EPHA5: variants seen among roughly 807,000 people sequenced by gnomAD.
The protein encoded by EPHA5 is EPH receptor A5.
A neutral mutation model predicts 105.0 loss-of-function variants in EPHA5; 60 were observed. The observed-to-expected ratio is 0.57, with a 90% CI of 0.46 to 0.71. The LOEUF (loss-of-function observed/expected upper bound fraction) is 0.71. Ranked by LOEUF, EPHA5 falls within the 30% of genes least tolerant of loss-of-function variation. The pLI is 0.00. For missense variants in EPHA5, 1,218 were observed against 1,274.7 expected (o/e 0.96, Z 0.68); for synonymous variants, 513 against 449.1 (o/e 1.14, Z -1.80).
At chr4:65,406,362 C>T (rs1391012291) in intron 7 of EPHA5, among the ~76,000 whole-genome samples, 3 of 152,226 alleles carry the variant, frequency 2.0e-5, no homozygotes, top group African/African-American at 7.2e-5. Context: ...TTAACTTACC[C>T]TCCACCATTG....
chr4:65,606,987 C>T (rs1243059769), intron 2 of EPHA5, among the ~76,000 whole-genome samples: 1 of 152,096 alleles, frequency 6.6e-6, no homozygotes, highest in African/African-American at 2.4e-5. Context: ...CACTTTGAGT[C>T]ACATATTTTA....
At chr4:65,376,340 A>G (rs1411484699) in intron 8 of EPHA5, among the ~76,000 whole-genome samples, 2 of 152,056 alleles carry the variant, frequency 1.3e-5, no homozygotes, top group Non-Finnish European at 1.5e-5. Flanking sequence ...GTTCCAATAC[A>G]TCTGTGAATA....
chr4:65,631,087 A>T (rs1746589726), intron 2 of EPHA5, among the ~76,000 whole-genome samples: 1 of 152,144 alleles, frequency 6.6e-6, no homozygotes, highest in Admixed American at 6.6e-5. Flanking sequence ...GGGTAAAGTG[A>T]TGCATACAAA....
At chr4:65,573,138 G>C (rs1740384548) in intron 3 of EPHA5, among the ~76,000 whole-genome samples, 1 of 151,950 alleles carries the variant, frequency 6.6e-6, no homozygotes, top group South Asian at 2.1e-4. Context: ...AGGGCCGGGC[G>C]CGGTGGCTCA....
rs1318868027 is a variant in EPHA5, at chr4:65,320,201, ATAAT to A, written c.*3909_*3912del. The stretch of plus-strand genomic sequence containing the variant: ...TATTTCTATTTTGATACATTACTAT[ATAAT>A]TAACAGCACAATAGAGAAAATTATT... On this transcript the variant is annotated 3_prime_UTR_variant, in exon 17 of 17. Coordinates refer to ENST00000613740, the MANE Select transcript of EPHA5 (RefSeq NM_001281766.3). The A allele has an allele frequency of 4.3e-6, 1 of 229,986 alleles. No homozygotes were observed. Among genetic ancestry groups the A allele is most frequent in the Admixed American group, 5.7e-5 (1 of 17,618 alleles). The allele number at this position is 229,986 out of a possible 1,614,324, so 14.2% of individuals were successfully genotyped here. A position where few individuals can be genotyped will look rare whatever the true frequency, so the allele number is the denominator to read the frequency against.
At chr4:65,513,893 C>G (rs62300362) in intron 3 of EPHA5, among the ~76,000 whole-genome samples, 3,881 of 152,260 alleles carry the variant, frequency 0.025, 87 homozygotes, top group Middle Eastern at 0.044. Flanking sequence ...GAATCTTCCT[C>G]TTTGTATAAC....
chr4:65,600,096 TTAA>T (rs1195943226), intron 3 of EPHA5, among the ~76,000 whole-genome samples: 9 of 152,094 alleles, frequency 5.9e-5, no homozygotes, highest in African/African-American at 2.2e-4. Context: ...TTAGAAATAA[TTAA>T]TAAGATTTAT....
chr4:65,465,076 C>T (rs1728482472), intron 5 of EPHA5, among the ~76,000 whole-genome samples: 1 of 152,110 alleles, frequency 6.6e-6, no homozygotes, highest in African/African-American at 2.4e-5. Flanking sequence ...TGAAATAAGA[C>T]ATCTATCTCA....
At chr4:65,429,227 T>A (rs185839708) in intron 5 of EPHA5, among the ~76,000 whole-genome samples, 2 of 152,164 alleles carry the variant, frequency 1.3e-5, no homozygotes, top group Admixed American at 1.3e-4. Context: ...AAAACTTTAA[T>A]CAGCTCAGTA....
chr4:65,452,280 A>AT (rs1727140367), intron 5 of EPHA5, among the ~76,000 whole-genome samples: 1 of 152,238 alleles, frequency 6.6e-6, no homozygotes, highest in African/African-American at 2.4e-5. Flanking sequence ...TTTCTGTACA[A>AT]TTTTTTAAAT....
intron 11 of EPHA5, among the ~76,000 whole-genome samples, chr4:65,363,384 A>C (rs1717527875): frequency 6.6e-6 from 1 of 151,588 alleles, no homozygotes; most frequent in Admixed American, 6.6e-5. Context: ...ATAATTGTTT[A>C]TATTCAAATT....
At chr4:65,667,884 C>T (rs1015852423) in intron 1 of EPHA5, among the ~76,000 whole-genome samples, 1 of 152,076 alleles carries the variant, frequency 6.6e-6, no homozygotes, top group South Asian at 2.1e-4. Context: ...CGAGGATGCC[C>T]CTTTCGGTGG....
At chr4:65,620,432 AT>A (rs1028797778) in intron 2 of EPHA5, among the ~76,000 whole-genome samples, 13 of 152,128 alleles carry the variant, frequency 8.5e-5, no homozygotes, top group Non-Finnish European at 1.3e-4. Context: ...ATGTGATGAC[AT>A]AGTACACTCA....
rs1736066976 is a variant in EPHA5 at position 65,534,003 on chromosome 4, A to T, written c.911-38460T>A. 2.0e-5 allele frequency among the ~76,000 whole-genome samples: 3 copies of T among 152,066 alleles called. No homozygotes were observed. In the South Asian group the frequency reaches 6.2e-4, roughly 31 times the overall value. ...AAAGAGATGGGTTTAGCTGAGAAAG[A>T]ATGAATGATCAGATACTCTGCATTA... On this transcript the variant is annotated intron_variant, in intron 3 of 16. Transcript: ENST00000613740.
chr4:65,540,720 G>T (rs1453883617), intron 3 of EPHA5, among the ~76,000 whole-genome samples: 1 of 150,924 alleles, frequency 6.6e-6, no homozygotes. Context: ...GTAAGGTACT[G>T]GAAAATCAAG....
intron 3 of EPHA5, among the ~76,000 whole-genome samples, chr4:65,593,566 A>T (rs1466542887): frequency 6.6e-6 from 1 of 152,232 alleles, no homozygotes; most frequent in Non-Finnish European, 1.5e-5. Flanking sequence ...TCCTTTCTAA[A>T]AAATTCCCAG....
chr4:65,473,235 C>A (rs1729461402), intron 5 of EPHA5, among the ~76,000 whole-genome samples: 1 of 152,182 alleles, frequency 6.6e-6, no homozygotes, highest in African/African-American at 2.4e-5. Context: ...CTACATCTTA[C>A]CTTCGTCTTC....
rs116653332 is a variant in EPHA5 at position 65,503,096 on chromosome 4, G to A, written c.911-7553C>T. Reference sequence around the variant, plus strand: ...CATGAACATAAAGATGGCAACAATAGACTCTAGGCACTACTAGAGGGAAGA... The same window carrying A: ...CATGAACATAAAGATGGCAACAATAAACTCTAGGCACTACTAGAGGGAAGA... On this transcript the variant is annotated intron_variant, in intron 3 of 16. Coordinates refer to ENST00000613740, the MANE Select transcript of EPHA5 (RefSeq NM_001281766.3). 6.5e-3 allele frequency among the ~76,000 whole-genome samples: 979 copies of A among 151,688 alleles called. 4 individuals are homozygous for A. The highest frequency in any genetic ancestry group is 0.01 in the Non-Finnish European group (707 of 67,728).
chr4:65,569,394 G>A (rs73824312), intron 3 of EPHA5, among the ~76,000 whole-genome samples: 2,155 of 151,576 alleles, frequency 0.014, 56 homozygotes, highest in African/African-American at 0.049. Context: ...AAGCTAGTTA[G>A]CACAGTTGAG....
Sources: allele counts gnomAD v4.1 joint callset (sites outside exome capture counted in the v4.1 genomes callset), GRCh38; gene constraint gnomAD v4.1.1; transcripts MANE v1.5; gene names NCBI Gene and HGNC (gene_info 2026-07-23, HGNC 2026-07-21).